The following NEGR1 variants were observed in gnomAD, a reference collection of about 807,000 sequenced individuals.
The protein encoded by NEGR1 is IgLON family member 4.
Under a neutral mutation model 40.9 loss-of-function variants are expected in NEGR1, and 10 were observed. The observed-to-expected ratio is 0.24, with a 90% CI of 0.15 to 0.42. The LOEUF (loss-of-function observed/expected upper bound fraction) is 0.42, where lower values mean the gene tolerates loss of function less well. Among genes scored for constraint, NEGR1 ranks in the 10% least tolerant of loss-of-function variants. The pLI, the probability that NEGR1 is intolerant of heterozygous loss-of-function variation, is 1.00. For missense variants in NEGR1, 352 were observed against 438.9 expected (o/e 0.80, Z 1.77); for synonymous variants, 185 against 166.8 (o/e 1.11, Z -0.84).
intron 1 of NEGR1, among the ~76,000 whole-genome samples, chr1:72,050,165 A>T (rs563380387): frequency 6.6e-6 from 1 of 151,814 alleles, no homozygotes; most frequent in Admixed American, 6.6e-5. Flanking sequence ...AAAATTAATT[A>T]CATATAGTAT....
At chr1:72,227,846 A>C (rs1654242375) in intron 1 of NEGR1, among the ~76,000 whole-genome samples, 1 of 152,118 alleles carries the variant, frequency 6.6e-6, no homozygotes, top group Admixed American at 6.6e-5. Context: ...AGTGTTACCC[A>C]GAGCGCAAGT....
intron 1 of NEGR1, among the ~76,000 whole-genome samples, chr1:71,991,114 A>G (rs557701078): frequency 1.6e-4 from 25 of 152,158 alleles, no homozygotes; most frequent in African/African-American, 5.8e-4. Flanking sequence ...CAACTTCTCA[A>G]AATAAAAACT....
At chr1:71,908,951 A>C (rs916575414) in intron 2 of NEGR1, among the ~76,000 whole-genome samples, 2 of 152,182 alleles carry the variant, frequency 1.3e-5, no homozygotes, top group Admixed American at 1.3e-4. Context: ...TTAAATACAC[A>C]TTATTTTTAA....
intron 1 of NEGR1, chr1:72,275,107 A>T (rs1655995784): frequency 1.2e-6 from 1 of 838,728 alleles, no homozygotes; most frequent in Non-Finnish European, 2.1e-6. Context: ...AGACTTGGGA[A>T]CAGAAAGCCA....
chr1:71,462,039 A>C (rs942394734), intron 6 of NEGR1, among the ~76,000 whole-genome samples: 2 of 152,200 alleles, frequency 1.3e-5, no homozygotes, highest in African/African-American at 4.8e-5. Flanking sequence ...TCATACATGT[A>C]TTTAGATAAA....
At chr1:71,717,144 T>C (rs1023757859) in intron 3 of NEGR1, among the ~76,000 whole-genome samples, 5 of 152,240 alleles carry the variant, frequency 3.3e-5, no homozygotes, top group African/African-American at 1.2e-4. Flanking sequence ...GTCTGCGCCA[T>C]GTGAAACCCC....
At chr1:72,039,751 T>C (rs190061433) in intron 1 of NEGR1, among the ~76,000 whole-genome samples, 345 of 152,048 alleles carry the variant, frequency 2.3e-3, no homozygotes, top group African/African-American at 7.9e-3. Context: ...TTGTATTAAG[T>C]GCAAATACCA....
chr1:71,789,166 G>A (rs1657021746), intron 2 of NEGR1, among the ~76,000 whole-genome samples: 1 of 152,088 alleles, frequency 6.6e-6, no homozygotes, highest in African/African-American at 2.4e-5. Context: ...CACAGACTCT[G>A]TATTCATCCC....
chr1:71,962,328 TA>T (rs1355558606), intron 1 of NEGR1, among the ~76,000 whole-genome samples: 37 of 152,078 alleles, frequency 2.4e-4, no homozygotes, highest in African/African-American at 8.2e-4. Context: ...GGGAAGTACA[TA>T]ATTATTGTGA....
chr1:72,089,157 G>A (rs78191526), intron 1 of NEGR1, among the ~76,000 whole-genome samples: 2,708 of 152,044 alleles, frequency 0.018, 33 homozygotes, highest in Non-Finnish European at 0.028. Flanking sequence ...TCATCCAATG[G>A]ACCATCCAAT....
At chr1:72,126,094 TG>T (rs1440660820) in intron 1 of NEGR1, among the ~76,000 whole-genome samples, 4 of 43,766 alleles carry the variant, frequency 9.1e-5, no homozygotes, top group African/African-American at 3.7e-4. Context: ...GAAAAGTATG[TG>T]TGTGTGTGTG....
chr1:71,579,149 C>T (rs1649050164), intron 6 of NEGR1, among the ~76,000 whole-genome samples: 1 of 152,130 alleles, frequency 6.6e-6, no homozygotes, highest in African/African-American at 2.4e-5. Flanking sequence ...TGCAAGTCCA[C>T]TTTAGAAGCT....
At chr1:71,433,839 G>T (rs1232956932) in intron 6 of NEGR1, among the ~76,000 whole-genome samples, 2 of 152,184 alleles carry the variant, frequency 1.3e-5, no homozygotes, top group Non-Finnish European at 1.5e-5. Context: ...AAAGTTTATT[G>T]TTACTGGTAG....
Position 71,398,711 on chromosome 1 carries a change from G to A in NEGR1, c.*8735C>T, listed in dbSNP as rs1646227464. The A allele has an allele frequency of 6.6e-6, 1 of 152,182 alleles. No individual in the cohort carries two copies. The highest frequency in any genetic ancestry group is 2.1e-4 in the South Asian group (1 of 4,828). 9.4% of individuals were successfully genotyped at this position (152,182 alleles called of 1,614,324 possible). On this transcript the variant is annotated 3_prime_UTR_variant, in exon 7 of 7. Coordinates refer to ENST00000357731, the MANE Select transcript of NEGR1 (RefSeq NM_173808.3). ...GAAAGCATGATTGGTTTTGAAATGT[G>A]AGGACATGAGATTTGGGAGGGACCA...
At chr1:71,428,831 G>A (rs2101290458) in intron 6 of NEGR1, among the ~76,000 whole-genome samples, 1 of 151,934 alleles carries the variant, frequency 6.6e-6, no homozygotes, top group South Asian at 2.1e-4. Context: ...ACTTTGCAAT[G>A]CTGCCCCTCA....
At chr1:71,597,472 C>CTCTCTGTGTGTGTGTGTGTG (rs756076229) in intron 5 of NEGR1, among the ~76,000 whole-genome samples, 87 of 31,324 alleles carry the variant, frequency 2.8e-3, no homozygotes, top group South Asian at 6.9e-3. Context: ...CTCTCTCTCT[C>CTCTCTGTGTGTGTGTGTGTG]TGTGTGTGTG....
intron 4 of NEGR1, among the ~76,000 whole-genome samples, chr1:71,649,983 A>G (rs537637689): frequency 2.1e-4 from 32 of 152,170 alleles, no homozygotes; most frequent in Non-Finnish European, 4.4e-4. Flanking sequence ...TTTATGGAAA[A>G]ATGAGAAAAT....
Position 71,971,522 on chromosome 1 carries a change from C to T in NEGR1, c.177-36211G>A, listed in dbSNP as rs533997624. On this transcript the variant is annotated intron_variant, in intron 1 of 6. Coordinates refer to ENST00000357731, the MANE Select transcript of NEGR1 (RefSeq NM_173808.3). ...GAAATATGTAGAGCAGTGCTTTGCTCACCACAAAGTAAATAATGAATGTCA... is the reference window on the plus strand; with the variant it reads ...GAAATATGTAGAGCAGTGCTTTGCTTACCACAAAGTAAATAATGAATGTCA... Among the ~76,000 whole-genome samples the T allele has an allele frequency of 2.0e-5, 3 of 152,282 alleles. No individual in the cohort carries two copies. The South Asian group carries it at 6.2e-4, about 32-fold the overall frequency.
intron 4 of NEGR1, among the ~76,000 whole-genome samples, chr1:71,650,925 G>A (rs1651693152): frequency 6.6e-6 from 1 of 152,004 alleles, no homozygotes; most frequent in Non-Finnish European, 1.5e-5. Flanking sequence ...GCTTTTTTCT[G>A]AGGGAGATAC....
Sources: gnomAD v4.1 joint callset for allele counts (sites outside exome capture counted in the v4.1 genomes callset) on GRCh38, gnomAD v4.1.1 for gene constraint, MANE v1.5 for transcripts, NCBI Gene and HGNC (gene_info 2026-07-23, HGNC 2026-07-21) for gene names.